CGGBP1: variants seen among roughly 807,000 people sequenced by gnomAD.
CGGBP1 encodes CGG triplet repeat-binding protein 1.
A neutral mutation model predicts 11.4 loss-of-function variants in CGGBP1; 4 were observed. That is an observed-to-expected ratio of 0.35 (90% CI 0.17 to 0.80). CGGBP1 has a LOEUF of 0.80. Among genes scored for constraint, CGGBP1 ranks in the 30% least tolerant of loss-of-function variants. CGGBP1 has a pLI of 0.52. For synonymous variants in CGGBP1, 76 were observed against 74.1 expected (o/e 1.03, Z -0.13); for missense variants, 135 against 202.1 (o/e 0.67, Z 2.01).
intron 2 of CGGBP1, among the ~76,000 whole-genome samples, chr3:88,120,378 T>C (rs1284005659): frequency 6.6e-6 from 1 of 152,186 alleles, no homozygotes; most frequent in African/African-American, 2.4e-5. Flanking sequence ...CTTGAGAGCT[T>C]TATTGTCTAA....
rs142061194 is a variant in CGGBP1, at chr3:88,054,500, A to G, written c.*973T>C. ...CACCAGAGGCAAAGCAGATAAAGTA[A>G]ACTTGTTTCTAGTCTAGACTATTCA... On this transcript the variant is annotated 3_prime_UTR_variant, in exon 4 of 4. Transcript: ENST00000482016. 1 of 152,344 alleles carries G rather than the reference A, an allele frequency of 6.6e-6. No homozygotes were observed. Among genetic ancestry groups the G allele is most frequent in the African/African-American group, 2.4e-5 (1 of 41,590 alleles). The allele number at this position is 152,344 out of a possible 1,614,324, so 9.4% of individuals were successfully genotyped here.
At chr3:88,121,673 CCAAT>C (rs1454412007) in intron 2 of CGGBP1, among the ~76,000 whole-genome samples, 8 of 152,090 alleles carry the variant, frequency 5.3e-5, no homozygotes, top group South Asian at 2.1e-4. Flanking sequence ...TATGAGATAA[CCAAT>C]CAATGTGTAA....
chr3:88,117,467 A>C (rs1423141358), intron 2 of CGGBP1, among the ~76,000 whole-genome samples: 2 of 152,216 alleles, frequency 1.3e-5, no homozygotes, highest in Admixed American at 1.3e-4. Flanking sequence ...TATAAGATAG[A>C]GCAACAGAAA....
At chr3:88,063,192 C>A (rs1004415547), upstream of CGGBP1, among the ~76,000 whole-genome samples, 13 of 152,084 alleles carry the variant, frequency 8.5e-5, no homozygotes, top group African/African-American at 3.1e-4. Context: ...TCCTGCAGTG[C>A]ACAGGATGGC....
At chr3:88,107,949 GTGTTTCCT>G (rs907005794) in intron 2 of CGGBP1, among the ~76,000 whole-genome samples, 2 of 151,854 alleles carry the variant, frequency 1.3e-5, no homozygotes, top group African/African-American at 4.8e-5. Context: ...TCATAGTGCT[GTGTTTCCT>G]TGTATGTTGT....
intron 2 of CGGBP1, among the ~76,000 whole-genome samples, chr3:88,104,684 C>T (rs1163200051): frequency 2.0e-5 from 3 of 152,072 alleles, no homozygotes; most frequent in East Asian, 3.8e-4. Flanking sequence ...AGAGTAACCG[C>T]TAAAAACAGG....
chr3:88,092,672 T>C (rs1176423407), intron 2 of CGGBP1, among the ~76,000 whole-genome samples: 1 of 152,220 alleles, frequency 6.6e-6, no homozygotes, highest in African/African-American at 2.4e-5. Flanking sequence ...GCTTGACATA[T>C]GAAGTTTATT....
At chr3:88,099,256 T>C (rs1030151399) in intron 2 of CGGBP1, among the ~76,000 whole-genome samples, 7 of 152,112 alleles carry the variant, frequency 4.6e-5, no homozygotes, top group Non-Finnish European at 1.5e-5. Flanking sequence ...ATAAAATACC[T>C]AGGAATCCAA....
upstream of CGGBP1, chr3:88,059,258 C>G: frequency 6.5e-7 from 1 of 1,530,894 alleles, no homozygotes; most frequent in Non-Finnish European, 8.7e-7. Context: ...GGAGGTTAGC[C>G]TAGGCATCTA....
At chr3:88,135,176 C>T (rs1213865947) in intron 2 of CGGBP1, 1 of 1,478,710 alleles carries the variant, frequency 6.8e-7, no homozygotes, top group Non-Finnish European at 8.9e-7. Flanking sequence ...AGTCATATTT[C>T]CTTTCATGAA....
At chr3:88,068,695 G>A (rs762032744) in intron 2 of CGGBP1, among the ~76,000 whole-genome samples, 8 of 151,988 alleles carry the variant, frequency 5.3e-5, no homozygotes, top group Non-Finnish European at 8.8e-5. Flanking sequence ...CATGAATCAG[G>A]GATTGTGATA....
chr3:88,105,897 G>T (rs562157728), intron 2 of CGGBP1, among the ~76,000 whole-genome samples: 3 of 152,244 alleles, frequency 2.0e-5, no homozygotes, highest in Middle Eastern at 3.4e-3. Flanking sequence ...AGGCCATGAG[G>T]GCCTGCCCTC....
chr3:88,073,711 T>C (rs1402035543), intron 2 of CGGBP1, among the ~76,000 whole-genome samples: 1 of 152,170 alleles, frequency 6.6e-6, no homozygotes, highest in Non-Finnish European at 1.5e-5. Flanking sequence ...AAATGAACAG[T>C]ATAGTTTTGG....
chr3:88,069,607 T>C (rs1707396211), intron 2 of CGGBP1, among the ~76,000 whole-genome samples: 1 of 152,184 alleles, frequency 6.6e-6, no homozygotes, highest in Admixed American at 6.5e-5. Context: ...CTTATATAAT[T>C]GGCAAGCTTC....
At chr3:88,125,728 C>T (rs558152141) in intron 2 of CGGBP1, among the ~76,000 whole-genome samples, 36 of 152,262 alleles carry the variant, frequency 2.4e-4, no homozygotes, top group African/African-American at 8.2e-4. Flanking sequence ...AGCAGACACC[C>T]CACGCCCCCT....
chr3:88,128,723 C>A, intron 2 of CGGBP1: 4 of 878,782 alleles, frequency 4.6e-6, no homozygotes, highest in South Asian at 1.9e-5. Context: ...AATTAGAAAC[C>A]ATATTTTAGT....
At chr3:88,108,801 G>A (rs1704902901) in intron 2 of CGGBP1, among the ~76,000 whole-genome samples, 1 of 151,650 alleles carries the variant, frequency 6.6e-6, no homozygotes, top group Admixed American at 6.6e-5. Flanking sequence ...AAGTGCTTCA[G>A]TTGAAAAGGT....
In CGGBP1 at chr3:88,132,341, A is replaced by G. The variant is rs1228350026; in HGVS notation, c.-229+8629T>C. Among the ~76,000 whole-genome samples, 3 of 152,160 alleles carry G rather than the reference A, an allele frequency of 2.0e-5. No individual in the cohort carries two copies. The East Asian group carries it at 5.8e-4, about 29-fold the overall frequency. On this transcript the variant is annotated intron_variant, in intron 2 of 3. Coordinates refer to the CGGBP1 transcript ENST00000462901. ...ATATTAGTAGTTAATAGGGTCTTTTATTAGCTAGTTACCTGGGAAATGCGT... is the reference window on the plus strand; with the variant it reads ...ATATTAGTAGTTAATAGGGTCTTTTGTTAGCTAGTTACCTGGGAAATGCGT...
At chr3:88,075,523 G>T (rs1343169551) in intron 2 of CGGBP1, among the ~76,000 whole-genome samples, 1 of 152,166 alleles carries the variant, frequency 6.6e-6, no homozygotes, top group East Asian at 1.9e-4. Context: ...GCTTTTAGGA[G>T]CCCAGTAAAG....
Sources: allele counts gnomAD v4.1 joint callset (sites outside exome capture counted in the v4.1 genomes callset), GRCh38; gene constraint gnomAD v4.1.1; transcripts MANE v1.5; gene names NCBI Gene and HGNC (gene_info 2026-07-23, HGNC 2026-07-21).